GRM8: variants seen among roughly 807,000 people sequenced by gnomAD.
GRM8 encodes the protein metabotropic glutamate receptor 8.
In GRM8, 47 loss-of-function variants were observed where a neutral mutation model predicts 87.2. The observed-to-expected ratio is 0.54, with a 90% CI of 0.43 to 0.69. GRM8 has a LOEUF of 0.69. Among genes scored for constraint, GRM8 ranks in the 30% least tolerant of loss-of-function variants. The pLI, the probability that GRM8 is intolerant of heterozygous loss-of-function variation, is 0.00. For synonymous variants in GRM8, 396 were observed against 404.5 expected (o/e 0.98, Z 0.25); for missense variants, 1,019 against 1,139.2 (o/e 0.89, Z 1.52).
chr7:126,671,925 C>A (rs1002219307), intron 7 of GRM8, among the ~76,000 whole-genome samples: 1 of 152,188 alleles, frequency 6.6e-6, no homozygotes, highest in East Asian at 1.9e-4. Context: ...GGAGTCCATG[C>A]GACCCCCGCT....
At chr7:126,921,244 C>A (rs1462441825) in intron 3 of GRM8, among the ~76,000 whole-genome samples, 3 of 151,946 alleles carry the variant, frequency 2.0e-5, no homozygotes, top group South Asian at 2.1e-4. Flanking sequence ...AGAAGAAGCT[C>A]CTAGAAATTA....
intron 8 of GRM8, among the ~76,000 whole-genome samples, chr7:126,547,964 G>A (rs1167253988): frequency 6.6e-6 from 1 of 151,962 alleles, no homozygotes; most frequent in Non-Finnish European, 1.5e-5. Flanking sequence ...GGGGGAGTTG[G>A]CTACAGGAAA....
chr7:126,911,128 T>C (rs1372454341), intron 3 of GRM8, among the ~76,000 whole-genome samples: 1 of 152,012 alleles, frequency 6.6e-6, no homozygotes, highest in East Asian at 1.9e-4. Flanking sequence ...AAAACACAGG[T>C]TTTTCAACAG....
At chr7:127,106,774 A>G (rs1825847298) in intron 2 of GRM8, 62 bp from the exon 3 acceptor site, 2 of 1,208,088 alleles carry the variant, frequency 1.7e-6, no homozygotes, top group Non-Finnish European at 2.5e-6. Flanking sequence ...ATGGATTGTC[A>G]TATGAGCTAA....
chr7:127,249,038 G>C (rs998770980), intron 1 of GRM8, among the ~76,000 whole-genome samples: 4 of 152,150 alleles, frequency 2.6e-5, no homozygotes, highest in African/African-American at 9.7e-5. Context: ...CTAAGTTGTA[G>C]GTACAATATA....
chr7:126,491,697 G>A (rs1387112650), intron 9 of GRM8, among the ~76,000 whole-genome samples: 2 of 151,962 alleles, frequency 1.3e-5, no homozygotes, highest in African/African-American at 4.8e-5. Context: ...AGCCACAGGT[G>A]TCATGTTTGT....
At chr7:127,089,418 G>A (rs558510271) in intron 3 of GRM8, among the ~76,000 whole-genome samples, 1 of 152,328 alleles carries the variant, frequency 6.6e-6, no homozygotes, top group East Asian at 1.9e-4. Flanking sequence ...CACCCAGTGT[G>A]TGGTGATTTG....
At chr7:126,682,409 G>A (rs188261376) in intron 7 of GRM8, among the ~76,000 whole-genome samples, 21 of 152,318 alleles carry the variant, frequency 1.4e-4, no homozygotes, top group African/African-American at 4.8e-4. Context: ...GATCATAAGG[G>A]AGGCTTTATT....
At chr7:126,543,703 T>C (rs1816802329) in intron 8 of GRM8, among the ~76,000 whole-genome samples, 1 of 152,058 alleles carries the variant, frequency 6.6e-6, no homozygotes, top group African/African-American at 2.4e-5. Flanking sequence ...TGCAAGGCAA[T>C]TGAGGTCATG....
In GRM8 at chr7:126,688,618, C is replaced by A. The variant is rs550194886; in HGVS notation, c.1358-79120G>T. On this transcript the variant is annotated intron_variant, in intron 7 of 10. Transcript: ENST00000339582. ...AGTTTAGGAAGTTGCAGATAGAAGG[C>A]AAAAAATACCAGAAGTTTGGCAAGT... 2.3e-4 allele frequency among the ~76,000 whole-genome samples: 35 copies of A among 151,932 alleles called. 1 individual carries two copies. Among genetic ancestry groups the A allele is most frequent in the African/African-American group, 8.4e-4 (35 of 41,462 alleles).
intron 9 of GRM8, among the ~76,000 whole-genome samples, chr7:126,502,171 A>C (rs891255463): frequency 2.0e-5 from 3 of 152,072 alleles, no homozygotes; most frequent in African/African-American, 4.8e-5. Flanking sequence ...AAACATAAAA[A>C]AGAAAAAAAG....
intron 3 of GRM8, among the ~76,000 whole-genome samples, chr7:126,922,441 G>C (rs1258736865): frequency 3.3e-5 from 5 of 151,940 alleles, no homozygotes; most frequent in Non-Finnish European, 5.9e-5. Flanking sequence ...TCAAGAAATA[G>C]CAACATGAAA....
At chr7:126,960,098 G>T (rs574282168) in intron 3 of GRM8, among the ~76,000 whole-genome samples, 200 of 151,712 alleles carry the variant, frequency 1.3e-3, no homozygotes, top group Non-Finnish European at 2.3e-3. Context: ...CAGCCAGCCA[G>T]AAACCCAGGT....
intron 3 of GRM8, among the ~76,000 whole-genome samples, chr7:127,010,449 G>A (rs1475209303): frequency 6.6e-6 from 1 of 152,034 alleles, no homozygotes; most frequent in Non-Finnish European, 1.5e-5. Flanking sequence ...CATGAAAGTA[G>A]TAAAAATGGC....
intron 2 of GRM8, among the ~76,000 whole-genome samples, chr7:127,155,853 A>T (rs1040996299): frequency 1.3e-5 from 2 of 152,128 alleles, no homozygotes; most frequent in African/African-American, 2.4e-5. Flanking sequence ...GTCTCTAGGG[A>T]CCTGTGCTCA....
chr7:127,152,829 C>T (rs1792482533), intron 2 of GRM8, among the ~76,000 whole-genome samples: 1 of 152,132 alleles, frequency 6.6e-6, no homozygotes, highest in Non-Finnish European at 1.5e-5. Context: ...AATTTTCAGA[C>T]ATGTTTCATA....
At chr7:126,915,823 G>A (rs1378510339) in intron 3 of GRM8, among the ~76,000 whole-genome samples, 1 of 152,148 alleles carries the variant, frequency 6.6e-6, no homozygotes, top group Non-Finnish European at 1.5e-5. Context: ...GGCAGAAAAG[G>A]AATTCTCTGT....
At chr7:126,916,530 A>G (rs969849012) in intron 3 of GRM8, among the ~76,000 whole-genome samples, 1 of 152,226 alleles carries the variant, frequency 6.6e-6, no homozygotes, top group South Asian at 2.1e-4. Flanking sequence ...TCTCAACAGT[A>G]TATCAACAGC....
chr7:126,930,404 T>G (rs960654953), intron 3 of GRM8, among the ~76,000 whole-genome samples: 6 of 152,186 alleles, frequency 3.9e-5, no homozygotes, highest in Admixed American at 6.5e-5. Context: ...AACCAAGGGA[T>G]CGGCAGTCCT....
Sources: allele counts gnomAD v4.1 joint callset (sites outside exome capture counted in the v4.1 genomes callset), GRCh38; gene constraint gnomAD v4.1.1; transcripts MANE v1.5; gene names NCBI Gene and HGNC (gene_info 2026-07-23, HGNC 2026-07-21).